AUTS2: variants seen among roughly 807,000 people sequenced by gnomAD.
AUTS2 encodes autism susceptibility gene 2 protein.
Under a neutral mutation model 112.4 loss-of-function variants are expected in AUTS2, and 17 were observed. The observed-to-expected ratio is 0.15, with a 90% CI of 0.10 to 0.23. AUTS2 has a LOEUF of 0.23. AUTS2 is among the 10% of genes least tolerant of loss of function. AUTS2 has a pLI of 1.00. For synonymous variants in AUTS2, 751 were observed against 702.7 expected, an observed-to-expected ratio of 1.07 and a Z score of -1.09; for missense variants, 1,510 against 1,701.6, an observed-to-expected ratio of 0.89 and a Z score of 1.98.
At chr7:70,410,054 G>C (rs958358209) in intron 4 of AUTS2, among the ~76,000 whole-genome samples, 2 of 152,212 alleles carry the variant, frequency 1.3e-5, no homozygotes, top group African/African-American at 4.8e-5. Context: ...GGGATGTAGA[G>C]GGGTGTTAGA....
chr7:70,114,652 C>T (rs1401449989), intron 2 of AUTS2, among the ~76,000 whole-genome samples: 1 of 152,010 alleles, frequency 6.6e-6, no homozygotes, highest in Non-Finnish European at 1.5e-5. Flanking sequence ...ATCAGCTGGG[C>T]GTGGTGGCAC....
intron 3 of AUTS2, 54 bp from the exon 4 acceptor site, chr7:70,134,482 A>G (rs1806442849): frequency 1.3e-6 from 2 of 1,522,840 alleles, no homozygotes; most frequent in South Asian, 1.1e-5. Context: ...GTGGATTGGA[A>G]CGTGTTAAAA....
rs1467006492 is a variant in AUTS2, at chr7:70,303,429, C to CGT, written c.661-132322_661-132321insTG. Among the ~76,000 whole-genome samples, 4 of 136,108 alleles carry CGT rather than the reference C, an allele frequency of 2.9e-5. No individual in the cohort carries two copies. In the East Asian group the frequency reaches 8.7e-4, roughly 30 times the overall value. 89.3% of individuals were successfully genotyped at this position (136,108 alleles called of 152,430 possible). ...GTGTGCACGCACACACACACGCGCG[C>CGT]GCGCGCACATACACACACACACACA... On this transcript the variant is annotated intron_variant, in intron 4 of 18. Transcript: ENST00000342771.
intron 2 of AUTS2, among the ~76,000 whole-genome samples, chr7:69,912,104 G>C (rs2129541914): frequency 6.6e-6 from 1 of 152,318 alleles, no homozygotes; most frequent in African/African-American, 2.4e-5. Flanking sequence ...AGGTGGCAGG[G>C]GGCTGGCGTG....
chr7:70,605,348 G>A (rs1379575036), intron 5 of AUTS2, among the ~76,000 whole-genome samples: 1 of 152,052 alleles, frequency 6.6e-6, no homozygotes, highest in Non-Finnish European at 1.5e-5. Context: ...AAACTGAATC[G>A]TATGGCATTC....
chr7:69,867,695 T>C (rs1793295837), intron 1 of AUTS2, among the ~76,000 whole-genome samples: 1 of 152,200 alleles, frequency 6.6e-6, no homozygotes, highest in African/African-American at 2.4e-5. Flanking sequence ...TTCATCTAAC[T>C]TAAGAGTGCG....
chr7:69,819,491 T>A (rs1325916766), intron 1 of AUTS2, among the ~76,000 whole-genome samples: 3 of 152,190 alleles, frequency 2.0e-5, no homozygotes, highest in Non-Finnish European at 4.4e-5. Context: ...GTTGCTTAAT[T>A]ACTCTTGAAG....
intron 2 of AUTS2, among the ~76,000 whole-genome samples, chr7:70,065,327 A>G (rs1438816724): frequency 4.6e-5 from 7 of 152,210 alleles, no homozygotes; most frequent in Non-Finnish European, 7.3e-5. Flanking sequence ...CATCTACCAG[A>G]ATTCAAGGAA....
chr7:69,888,571 A>ATATG (rs1183383287), intron 1 of AUTS2, among the ~76,000 whole-genome samples: 35 of 137,914 alleles, frequency 2.5e-4, no homozygotes, highest in East Asian at 1.7e-3. Flanking sequence ...ATATATATAT[A>ATATG]TGTATGGTTT....
At chr7:70,673,357 T>C (rs1807744064) in intron 5 of AUTS2, among the ~76,000 whole-genome samples, 1 of 134,202 alleles carries the variant, frequency 7.5e-6, no homozygotes, top group Non-Finnish European at 1.6e-5. Context: ...CACTTGATTG[T>C]CTTTTTTTTT....
intron 2 of AUTS2, among the ~76,000 whole-genome samples, chr7:70,084,597 A>T (rs1419005124): frequency 6.6e-6 from 1 of 152,064 alleles, no homozygotes; most frequent in Non-Finnish European, 1.5e-5. Flanking sequence ...GTGCTATCTC[A>T]TTGTGGTCTT....
At chr7:69,879,287 G>A (rs529785539) in intron 1 of AUTS2, among the ~76,000 whole-genome samples, 2 of 151,820 alleles carry the variant, frequency 1.3e-5, no homozygotes, top group South Asian at 4.2e-4. Context: ...GGGACTACAG[G>A]CATGTGCCAC....
chr7:70,118,343 CT>C, intron 3 of AUTS2, 110 bp downstream of exon 3: 1 of 1,271,424 alleles, frequency 7.9e-7, no homozygotes. Context: ...ATCTTTAGAA[CT>C]TTTTGTCTAC....
chr7:70,716,789 C>T (rs1423056755), intron 6 of AUTS2, among the ~76,000 whole-genome samples: 1 of 151,932 alleles, frequency 6.6e-6, no homozygotes, highest in African/African-American at 2.4e-5. Context: ...TTCAGTATAG[C>T]ACCATGGGCG....
intron 5 of AUTS2, among the ~76,000 whole-genome samples, chr7:70,593,036 A>G (rs1276709413): frequency 2.0e-5 from 3 of 149,906 alleles, no homozygotes; most frequent in Non-Finnish European, 4.4e-5. Context: ...TTTCTTGTAG[A>G]GATGGTGTTT....
chr7:70,618,509 C>T (rs568832656), intron 5 of AUTS2, among the ~76,000 whole-genome samples: 4 of 152,350 alleles, frequency 2.6e-5, no homozygotes, highest in Admixed American at 1.3e-4. Context: ...CTCCATTTCC[C>T]CCCATATTGT....
intron 2 of AUTS2, among the ~76,000 whole-genome samples, chr7:69,940,934 A>G (rs1000390936): frequency 7.2e-5 from 11 of 152,240 alleles, no homozygotes; most frequent in Admixed American, 4.6e-4. Flanking sequence ...AGACTGGAAC[A>G]TGAACAAATT....
At position 70,631,831 on chromosome 7, in the gene AUTS2, G is replaced by C. The variant is rs1015985714; in HGVS notation, c.691-66738G>C. Among the ~76,000 whole-genome samples, 2 of 152,046 alleles carry C rather than the reference G, an allele frequency of 1.3e-5. No individual in the cohort carries two copies. The highest frequency in any genetic ancestry group is 2.9e-5 in the Non-Finnish European group (2 of 68,010). On this transcript the variant is annotated intron_variant, in intron 5 of 18. Coordinates refer to ENST00000342771, the MANE Select transcript of AUTS2 (RefSeq NM_015570.4). This position sits in a 1 kb window ranked among gnomAD's most constrained non-coding sequence, Gnocchi z 4.5. ...GCGCCCGTGTGTGCTAACTTGCTAG[G>C]GGGCAGGGCGCACTCTGCCGCTTTG... is the stretch of plus-strand genomic sequence containing the variant.
chr7:70,058,623 T>G (rs1257202808), intron 2 of AUTS2, among the ~76,000 whole-genome samples: 2 of 78,956 alleles, frequency 2.5e-5, no homozygotes, highest in African/African-American at 8.8e-5. Flanking sequence ...TACATGTAGG[T>G]TTTTTTTTTT....
Sources: gnomAD v4.1 joint callset for allele counts (sites outside exome capture counted in the v4.1 genomes callset) on GRCh38, gnomAD v4.1.1 for gene constraint, Gnocchi (gnomAD v3.1) non-coding constraint, MANE v1.5 for transcripts, NCBI Gene and HGNC (gene_info 2026-07-23, HGNC 2026-07-21) for gene names.